Variants in ASTN2 observed in about 807,000 individuals in gnomAD.
ASTN2 encodes astrotactin 2.
A neutral mutation model predicts 139.8 loss-of-function variants in ASTN2; 54 were observed. The observed-to-expected ratio is 0.39, with a 90% CI of 0.31 to 0.48. The LOEUF (loss-of-function observed/expected upper bound fraction) is 0.48, where lower values mean the gene tolerates loss of function less well. Ranked by LOEUF, ASTN2 falls within the 20% of genes least tolerant of loss-of-function variation. The pLI, the probability that ASTN2 is intolerant of heterozygous loss-of-function variation, is 0.95. For missense variants in ASTN2, 1,565 were observed against 1,725.1 expected, an observed-to-expected ratio of 0.91 and a Z score of 1.64; for synonymous variants, 756 against 719.5, an observed-to-expected ratio of 1.05 and a Z score of -0.81.
intron 16 of ASTN2, among the ~76,000 whole-genome samples, chr9:116,719,941 G>C (rs1325262924): frequency 6.6e-6 from 1 of 152,176 alleles, no homozygotes; most frequent in Non-Finnish European, 1.5e-5. Context: ...AATCACTGAG[G>C]AAGTAAACCA....
chr9:117,016,956 G>C (rs1837731903), intron 6 of ASTN2, among the ~76,000 whole-genome samples: 1 of 151,524 alleles, frequency 6.6e-6, no homozygotes, highest in Non-Finnish European at 1.5e-5. Context: ...CCTCAGACTT[G>C]TGATCAAAGT....
intron 19 of ASTN2, among the ~76,000 whole-genome samples, chr9:116,494,110 T>C (rs867069427): frequency 1.3e-5 from 2 of 152,154 alleles, no homozygotes; most frequent in African/African-American, 2.4e-5. Context: ...TTATTTTAAA[T>C]CTGAAGAAGC....
chr9:117,341,729 T>G (rs903354596), intron 1 of ASTN2, among the ~76,000 whole-genome samples: 2 of 152,148 alleles, frequency 1.3e-5, no homozygotes, highest in Admixed American at 6.5e-5. Context: ...CCAAATCTTC[T>G]AATGAGACTC....
intron 1 of ASTN2, among the ~76,000 whole-genome samples, chr9:117,348,345 T>G (rs562531500): frequency 6.6e-6 from 1 of 152,334 alleles, no homozygotes; most frequent in African/African-American, 2.4e-5. Context: ...CTACCGATAC[T>G]CATTTCAATT....
intron 1 of ASTN2, among the ~76,000 whole-genome samples, chr9:117,380,064 G>T (rs1830225931): frequency 6.6e-6 from 1 of 152,138 alleles, no homozygotes; most frequent in African/African-American, 2.4e-5. Context: ...AACAGGATGT[G>T]AGAGGATATA....
At chr9:116,561,401 A>G (rs905060791) in intron 19 of ASTN2, among the ~76,000 whole-genome samples, 2 of 152,182 alleles carry the variant, frequency 1.3e-5, no homozygotes, top group African/African-American at 4.8e-5. Context: ...AGGTAAAATC[A>G]GTTATATTTT....
chr9:116,837,146 G>A (rs1832025709), intron 11 of ASTN2, among the ~76,000 whole-genome samples: 2 of 152,148 alleles, frequency 1.3e-5, no homozygotes, highest in East Asian at 1.9e-4. Context: ...CAATTTCCTA[G>A]AGTCCACAAA....
rs1454676056 is a variant in ASTN2 at position 116,502,755 on chromosome 9, G to A, written c.3356-15255C>T. Among the ~76,000 whole-genome samples the A allele has an allele frequency of 2.5e-5, 2 of 80,246 alleles. 1 individual carries two copies. The highest frequency in any genetic ancestry group is 2.7e-4 in the Admixed American group (2 of 7,310). The allele number at this position is 80,246 out of a possible 152,430, so 52.6% of individuals were successfully genotyped here. ...GGAATGAATGAATGAATGAGGGAAG[G>A]AAGGAGAGAAGGAAGGAAGGAAGAT... On this transcript the variant is annotated intron_variant, in intron 19 of 22. Coordinates refer to ENST00000313400, the MANE Select transcript of ASTN2 (RefSeq NM_001365068.1).
intron 3 of ASTN2, among the ~76,000 whole-genome samples, chr9:117,143,038 G>T (rs1192808148): frequency 6.6e-6 from 1 of 152,204 alleles, no homozygotes; most frequent in Admixed American, 6.5e-5. Flanking sequence ...TGTTTTCTCA[G>T]GGAAGCTTAT....
At chr9:116,922,002 C>A (rs1834626141) in intron 10 of ASTN2, among the ~76,000 whole-genome samples, 1 of 152,162 alleles carries the variant, frequency 6.6e-6, no homozygotes, top group Non-Finnish European at 1.5e-5. Flanking sequence ...GGTGGCAATA[C>A]AAATCCAAAC....
chr9:116,941,789 T>G (rs1835237992), intron 10 of ASTN2, among the ~76,000 whole-genome samples: 1 of 152,062 alleles, frequency 6.6e-6, no homozygotes, highest in Admixed American at 6.6e-5. Flanking sequence ...TGATCATTGT[T>G]TTTTCATTAC....
rs546013459 is a variant in ASTN2, at chr9:117,374,631, G to A, written c.442+39866C>T. Among the ~76,000 whole-genome samples the A allele has an allele frequency of 8.8e-4, 134 of 152,242 alleles. 1 individual carries two copies. The highest frequency in any genetic ancestry group is 3.1e-3 in the African/African-American group (130 of 41,558). The stretch of plus-strand genomic sequence containing the variant: ...AATACAAAAGAAGGCACCAAGTCTG[G>A]TAGAGCTCAAAGCCCCTTGCAATGT... On this transcript the variant is annotated intron_variant, in intron 1 of 22. Coordinates refer to ENST00000313400, the MANE Select transcript of ASTN2 (RefSeq NM_001365068.1).
chr9:116,558,852 A>C (rs4836753), intron 19 of ASTN2, among the ~76,000 whole-genome samples: 24,155 of 152,184 alleles, frequency 0.16, 2,087 homozygotes, highest in African/African-American at 0.21. Context: ...CTACACAAGA[A>C]TGATGTGATA....
chr9:117,075,454 C>A (rs1313099328), intron 5 of ASTN2, among the ~76,000 whole-genome samples: 2 of 151,428 alleles, frequency 1.3e-5, no homozygotes, highest in African/African-American at 4.9e-5. Flanking sequence ...AACCAAGGAC[C>A]CATCGACTAG....
chr9:117,285,095 A>G (rs1310063110), intron 2 of ASTN2, among the ~76,000 whole-genome samples: 1 of 152,208 alleles, frequency 6.6e-6, no homozygotes, highest in African/African-American at 2.4e-5. Context: ...ATTTCTACTC[A>G]GTTACTGTTT....
chr9:117,072,167 A>C (rs1020683725), intron 5 of ASTN2, among the ~76,000 whole-genome samples: 1 of 152,152 alleles, frequency 6.6e-6, no homozygotes, highest in African/African-American at 2.4e-5. Context: ...GGGGCCTCCT[A>C]CAAGATACCC....
chr9:117,264,384 TG>T lies in ASTN2; in HGVS notation c.630+26941del, dbSNP rs372461489. Among the ~76,000 whole-genome samples, 28 of 152,348 alleles carry T rather than the reference TG, an allele frequency of 1.8e-4. No individual in the cohort carries two copies. The East Asian group carries it at 3.7e-3, about 20-fold the overall frequency. On this transcript the variant is annotated intron_variant, in intron 2 of 22. Coordinates refer to ENST00000313400, the MANE Select transcript of ASTN2 (RefSeq NM_001365068.1). ...GGCTCTACCACTCATGGCTGCCTGA[TG>T]TTGGGCAACTGCATAATTTCTCCAA...
chr9:116,533,107 A>G (rs1182931095), intron 19 of ASTN2, among the ~76,000 whole-genome samples: 3 of 152,086 alleles, frequency 2.0e-5, no homozygotes, highest in African/African-American at 4.8e-5. Context: ...TAGGTATTTT[A>G]TTCTTTTTGA....
At chr9:116,569,092 CTTCT>C (rs1853380738) in intron 19 of ASTN2, among the ~76,000 whole-genome samples, 1 of 152,146 alleles carries the variant, frequency 6.6e-6, no homozygotes, top group African/African-American at 2.4e-5. Context: ...CCTGAGTTAC[CTTCT>C]TTCTAAATCA....
Sources: gnomAD v4.1 joint callset for allele counts (sites outside exome capture counted in the v4.1 genomes callset) on GRCh38, gnomAD v4.1.1 for gene constraint, MANE v1.5 for transcripts, NCBI Gene and HGNC (gene_info 2026-07-23, HGNC 2026-07-21) for gene names.